ATG16L2: variants seen among roughly 807,000 people sequenced by gnomAD.
ATG16L2 encodes the protein autophagy related 16 like 2.
ATG16L2 carries 77 observed loss-of-function variants against 84.7 expected under a neutral mutation model. That is an observed-to-expected ratio of 0.91 (90% CI 0.76 to 1.10). The LOEUF (loss-of-function observed/expected upper bound fraction) is 1.10, where lower values mean the gene tolerates loss of function less well. ATG16L2 is among the 50% of genes least tolerant of loss of function. ATG16L2 has a pLI of 0.00. For synonymous variants in ATG16L2, 361 were observed against 342.8 expected (o/e 1.05, Z -0.59); for missense variants, 782 against 817.6 (o/e 0.96, Z 0.53).
At chr11:72,832,522 C>T (rs1451372641), downstream of ATG16L2, among the ~76,000 whole-genome samples, 1 of 152,180 alleles carries the variant, frequency 6.6e-6, no homozygotes, top group Non-Finnish European at 1.5e-5. Flanking sequence ...GAAGGCTGTT[C>T]CTCCCTCCAG....
intron 1 of ATG16L2, chr11:72,816,458 CCCGCAGTGGTCAT>C: frequency 2.5e-6 from 1 of 405,606 alleles, no homozygotes; most frequent in Non-Finnish European, 4.6e-6. Flanking sequence ...CGGGCAGTAC[CCCGCAGTGGTCAT>C]CCTTCTGTCC....
At chr11:72,826,324 G>A (rs914258227) in intron 11 of ATG16L2, 81 bp downstream of exon 11, 19 of 1,505,782 alleles carry the variant, frequency 1.3e-5, no homozygotes, top group Non-Finnish European at 1.6e-5. Context: ...TGGGACCTGA[G>A]GGCGCAACAT....
intron 10 of ATG16L2, 76 bp from the exon 11 acceptor site, chr11:72,826,097 C>T: frequency 8.0e-7 from 1 of 1,250,908 alleles, no homozygotes; most frequent in Non-Finnish European, 1.1e-6. Context: ...AACTGATCTT[C>T]CGCTCTCAAT....
chr11:72,829,450 G>A lies in ATG16L2; in HGVS notation c.*60G>A, dbSNP rs987865613. ...CCCGAAGCCTGAAGCTTCCTTCGGC[G>A]CCATGCAGGGGTTGGGGTTGGGACT... On this transcript the variant is annotated 3_prime_UTR_variant, in exon 18 of 18. Coordinates refer to ENST00000321297, the MANE Select transcript of ATG16L2 (RefSeq NM_033388.2). 8 of 1,575,312 alleles carry A rather than the reference G, an allele frequency of 5.1e-6. No individual in the cohort carries two copies. The highest frequency in any genetic ancestry group is 4.6e-5 in the East Asian group (2 of 43,818).
At chr11:72,823,326 C>T (rs1860125500) in intron 7 of ATG16L2, 2 of 318,558 alleles carry the variant, frequency 6.3e-6, no homozygotes, top group African/African-American at 2.2e-5. Flanking sequence ...TGTGCATCCG[C>T]AGGGACATGA....
chr11:72,814,470 G>A lies in ATG16L2; in HGVS notation c.25G>A (p.Ala9Thr), dbSNP rs1465810842. The A allele has an allele frequency of 2.0e-6, 3 of 1,515,766 alleles. No homozygotes were observed. The highest frequency in any genetic ancestry group is 1.4e-5 in the African/African-American group (1 of 70,472). 93.9% of individuals were successfully genotyped at this position (1,515,766 alleles called of 1,614,324 possible). A position where few individuals can be genotyped will look rare whatever the true frequency, so the allele number is the denominator to read the frequency against. ...CATGGCGGGGCCGGGCGTCCCCGGT[G>A]CCCCCGCAGCGCGCTGGAAACGCCA... MAGPGVPGAPAARWKRHIV... is the reference protein window; with the variant it reads MAGPGVPGTPAARWKRHIV... Residue 9 changes from alanine to threonine, a missense_variant, in exon 1 of 18, where the codon GCC (alanine) becomes ACC (threonine). Coordinates refer to ENST00000321297, the MANE Select transcript of ATG16L2 (RefSeq NM_033388.2).
rs1399015069 is a variant in ATG16L2, at chr11:72,814,592, G to A, written c.118+29G>A. The A allele has an allele frequency of 2.6e-6, 4 of 1,518,178 alleles. No homozygotes were observed. The African/African-American group carries it at 5.6e-5, about 21-fold the overall frequency. The allele number at this position is 1,518,178 out of a possible 1,614,324, so 94.0% of individuals were successfully genotyped here. A position where few individuals can be genotyped will look rare whatever the true frequency, so the allele number is the denominator to read the frequency against. On this transcript the variant is annotated intron_variant, in intron 1 of 17. Coordinates refer to ENST00000321297, the MANE Select transcript of ATG16L2 (RefSeq NM_033388.2). ...AGTGCGCCCCGGTGCTGAGAGGATG[G>A]CGGCTGAGGGGACGCGGCTACGGGC...
chr11:72,825,841 G>A (rs967401002), intron 10 of ATG16L2, among the ~76,000 whole-genome samples: 2 of 152,116 alleles, frequency 1.3e-5, no homozygotes, highest in East Asian at 1.9e-4. Flanking sequence ...GTGTCCTGGG[G>A]AGTCAGAGCC....
intron 5 of ATG16L2, among the ~76,000 whole-genome samples, chr11:72,842,316 C>T (rs1057412571): frequency 6.6e-6 from 1 of 152,210 alleles, no homozygotes; most frequent in Non-Finnish European, 1.5e-5. Flanking sequence ...CTTCCCTCTT[C>T]GGTTTGTTTC....
chr11:72,830,030 C>T (rs1860571490), downstream of ATG16L2, among the ~76,000 whole-genome samples: 1 of 152,138 alleles, frequency 6.6e-6, no homozygotes. Context: ...GTCCTTGGTC[C>T]ACAGGGCCTC....
Position 72,828,515 on chromosome 11 carries a change from G to A in ATG16L2, c.1622+7G>A, listed in dbSNP as rs766713425. ...ACATCCGCCAGGTGTTCAGGTACCA[G>A]CCTCATGCCTGCTGACCCTGTGGCC... On this transcript the variant is annotated splice_region_variant and intron_variant, in intron 15 of 17. Coordinates refer to ENST00000321297, the MANE Select transcript of ATG16L2 (RefSeq NM_033388.2). 3.1e-6 allele frequency: 5 copies of A among 1,614,052 alleles called. No individual in the cohort carries two copies. Among genetic ancestry groups the A allele is most frequent in the African/African-American group, 1.3e-5 (1 of 74,932 alleles).
At position 72,822,801 on chromosome 11, in the gene ATG16L2, G is replaced by A; in HGVS notation, c.711-47G>A. 2 of 1,414,190 alleles carry A rather than the reference G, an allele frequency of 1.4e-6. No individual in the cohort carries two copies. The highest frequency in any genetic ancestry group is 1.9e-6 in the Non-Finnish European group (2 of 1,034,530). The allele number at this position is 1,414,190 out of a possible 1,614,324, so 87.6% of individuals were successfully genotyped here. A position where few individuals can be genotyped will look rare whatever the true frequency, so the allele number is the denominator to read the frequency against. ...CGTATCCTGTGCTGGGGTCGGGAGGGGCTGGCTTGGTCCCTTGGCCTTTCT... is the reference window on the plus strand; with the variant it reads ...CGTATCCTGTGCTGGGGTCGGGAGGAGCTGGCTTGGTCCCTTGGCCTTTCT... On this transcript the variant is annotated intron_variant, in intron 6 of 17. Coordinates refer to ENST00000321297, the MANE Select transcript of ATG16L2 (RefSeq NM_033388.2). The surrounding 1 kb of genome is among the most constrained non-coding windows in gnomAD (Gnocchi z 4.2).
At chr11:72,841,472 G>A (rs746736841) in intron 5 of ATG16L2, 20 of 1,610,616 alleles carry the variant, frequency 1.2e-5, no homozygotes, top group Non-Finnish European at 1.4e-5. Flanking sequence ...GAAGGAGACC[G>A]GGGAAAGTAC....
chr11:72,836,904 A>T (rs1344651320), intron 5 of ATG16L2: 2 of 152,572 alleles, frequency 1.3e-5, no homozygotes, highest in Non-Finnish European at 2.9e-5. Flanking sequence ...GTTATTTTTT[A>T]AAAAGGAGGC....
At position 72,826,306 on chromosome 11, in the gene ATG16L2, G is replaced by A. The variant is rs1460343038; in HGVS notation, c.1173+63G>A. The A allele has an allele frequency of 3.2e-6, 5 of 1,559,136 alleles. No homozygotes were observed. The African/African-American group carries it at 6.8e-5, about 21-fold the overall frequency. On this transcript the variant is annotated intron_variant, in intron 11 of 17. Coordinates refer to ENST00000321297, the MANE Select transcript of ATG16L2 (RefSeq NM_033388.2). The stretch of plus-strand genomic sequence containing the variant: ...TCTCTGATCTCCACACTGGGCAGGT[G>A]GGGGCTGTGGGACCTGAGGGCGCAA...
intron 5 of ATG16L2, chr11:72,841,590 C>T (rs1860951097): frequency 6.3e-7 from 1 of 1,595,726 alleles, no homozygotes; most frequent in African/African-American, 1.3e-5. Flanking sequence ...AGATCTGCAG[C>T]AAAGGGAAGC....
Position 72,824,719 on chromosome 11 carries a change from C to A in ATG16L2, c.888-15C>A. On this transcript the variant is annotated splice_polypyrimidine_tract_variant and intron_variant, in intron 8 of 17. Transcript: ENST00000321297. ...TTGCTGAATGCCCTCCTGACCCCAA[C>A]CCACCTTACCCCAGTTTTAAGAAGA... 1 of 1,609,106 alleles carries A rather than the reference C, an allele frequency of 6.2e-7. No individual in the cohort carries two copies. Among genetic ancestry groups the A allele is most frequent in the South Asian group, 1.1e-5 (1 of 90,970 alleles).
At chr11:72,830,403 C>T (rs1475266079), downstream of ATG16L2, among the ~76,000 whole-genome samples, 4 of 152,162 alleles carry the variant, frequency 2.6e-5, no homozygotes, top group Non-Finnish European at 5.9e-5. Context: ...TAGTACTCCT[C>T]CACCCTCCTG....
rs772633981 is a variant in ATG16L2 at position 72,814,510 on chromosome 11, T to G, written c.65T>G (p.Leu22Arg). ...TGGAAACGCCACATCGTGCGGCAGC[T>G]GCGGCTTCGGGACCGTACGCAAAAG... The part of the protein sequence containing the change: ...ARWKRHIVRQ[L>R]RLRDRTQKAL... The change falls in exon 1 of 18, where the codon CTG becomes CGG. Residue 22 changes from leucine to arginine, a missense_variant. By Grantham distance (102) the Leu-to-Arg change is moderately radical (BLOSUM62 -2). Coordinates refer to ENST00000321297, the MANE Select transcript of ATG16L2 (RefSeq NM_033388.2). 2 of 1,555,756 alleles carry G rather than the reference T, an allele frequency of 1.3e-6. No homozygotes were observed. The highest frequency in any genetic ancestry group is 1.9e-5 in the Admixed American group (1 of 52,494).
Sources: gnomAD v4.1 joint callset for allele counts (sites outside exome capture counted in the v4.1 genomes callset) on GRCh38, gnomAD v4.1.1 for gene constraint, Gnocchi (gnomAD v3.1) non-coding constraint, MANE v1.5 for transcripts, NCBI Gene and HGNC (gene_info 2026-07-23, HGNC 2026-07-21) for gene names.